DLG2: variants seen among roughly 807,000 people sequenced by gnomAD.
DLG2 encodes discs large MAGUK scaffold protein 2.
DLG2 carries 45 observed loss-of-function variants against 132.5 expected under a neutral mutation model. The observed-to-expected ratio is 0.34, with a 90% CI of 0.27 to 0.44. DLG2 has a LOEUF of 0.44. DLG2 is among the 20% of genes least tolerant of loss of function. DLG2 has a pLI of 1.00. For missense variants in DLG2, 1,045 were observed against 1,196.9 expected (o/e 0.87, Z 1.87); for synonymous variants, 424 against 419.6 (o/e 1.01, Z -0.13).
At chr11:84,963,410 G>T (rs1307538532) in intron 6 of DLG2, among the ~76,000 whole-genome samples, 1 of 152,088 alleles carries the variant, frequency 6.6e-6, no homozygotes. Flanking sequence ...ACAAATTCCT[G>T]AGAATAACCC....
At chr11:84,662,923 A>G (rs1019209401) in intron 6 of DLG2, among the ~76,000 whole-genome samples, 3 of 151,888 alleles carry the variant, frequency 2.0e-5, no homozygotes, top group Non-Finnish European at 2.9e-5. Context: ...AAATTGGGGC[A>G]TTTTCTGAGC....
chr11:84,661,179 GC>G (rs1240700362), intron 6 of DLG2, among the ~76,000 whole-genome samples: 1 of 152,162 alleles, frequency 6.6e-6, no homozygotes, highest in East Asian at 1.9e-4. Flanking sequence ...TTGTAATCAT[GC>G]CTTTGCAGGT....
chr11:83,946,588 G>A (rs536391345), intron 14 of DLG2, among the ~76,000 whole-genome samples: 1 of 151,646 alleles, frequency 6.6e-6, no homozygotes, highest in South Asian at 2.1e-4. Flanking sequence ...AACTCTTTCG[G>A]TACTATAGAA....
chr11:84,821,644 A>C (rs1428603548), intron 6 of DLG2, among the ~76,000 whole-genome samples: 3 of 124,650 alleles, frequency 2.4e-5, no homozygotes, highest in African/African-American at 3.0e-5. Context: ...AAAAAAAACA[A>C]CAACAACAAA....
intron 16 of DLG2, among the ~76,000 whole-genome samples, chr11:83,834,583 C>G (rs1022050776): frequency 1.3e-5 from 2 of 152,102 alleles, no homozygotes; most frequent in African/African-American, 2.4e-5. Flanking sequence ...TTTTGACACA[C>G]TCAGTTCCAG....
rs551599972 is a variant in DLG2, at chr11:85,366,210, G to C, written c.41-80845C>G. Reference sequence around the variant, plus strand: ...GTATGGAGAATATGAGAAACCTGTTGATTTATATGTCTTCATGTGAAATAA... The same window carrying C: ...GTATGGAGAATATGAGAAACCTGTTCATTTATATGTCTTCATGTGAAATAA... On this transcript the variant is annotated intron_variant, in intron 3 of 27. Transcript: ENST00000376104. 1.2e-3 allele frequency among the ~76,000 whole-genome samples: 185 copies of C among 152,228 alleles called. 1 individual carries two copies. Among genetic ancestry groups the C allele is most frequent in the Non-Finnish European group, 2.1e-3 (140 of 68,014 alleles).
At chr11:84,013,594 C>T (rs1434686462) in intron 11 of DLG2, among the ~76,000 whole-genome samples, 2 of 151,946 alleles carry the variant, frequency 1.3e-5, no homozygotes, top group African/African-American at 4.8e-5. Context: ...TCCAGCTGGG[C>T]GTGGTGGCTC....
chr11:84,557,236 G>C (rs2099413700), intron 6 of DLG2, among the ~76,000 whole-genome samples: 1 of 151,752 alleles, frequency 6.6e-6, no homozygotes. Flanking sequence ...ATTCTGGGTG[G>C]GCCTCATCTG....
At chr11:84,474,855 G>C (rs1456895227) in intron 7 of DLG2, among the ~76,000 whole-genome samples, 1 of 151,960 alleles carries the variant, frequency 6.6e-6, no homozygotes, top group Admixed American at 6.6e-5. Context: ...TAGAATCAAA[G>C]GGAGGTCATA....
At position 85,279,291 on chromosome 11, in the gene DLG2, A is replaced by G. The variant is rs967214996; in HGVS notation, c.186+5929T>C. ...TGTGTGCAAAGGTAGGTGGCAGCTT[A>G]AAGAAGCTACACAAAGATGAATATA... On this transcript the variant is annotated intron_variant, in intron 4 of 27. Transcript: ENST00000376104. Among the ~76,000 whole-genome samples the G allele has an allele frequency of 1.8e-4, 27 of 152,126 alleles. 1 individual carries two copies. Among genetic ancestry groups the G allele is most frequent in the African/African-American group, 2.4e-5 (1 of 41,438 alleles).
intron 9 of DLG2, among the ~76,000 whole-genome samples, chr11:84,120,867 T>C (rs1344285118): frequency 2.0e-5 from 3 of 152,220 alleles, no homozygotes; most frequent in African/African-American, 7.2e-5. Context: ...ATGTATTCTT[T>C]CGAATAACTA....
chr11:83,656,372 G>A (rs1018343257), intron 18 of DLG2, among the ~76,000 whole-genome samples: 4 of 152,136 alleles, frequency 2.6e-5, no homozygotes, highest in Non-Finnish European at 4.4e-5. Context: ...CCTCTCCAAG[G>A]TGGGTCCTGG....
At chr11:84,835,114 T>C (rs2079570663) in intron 6 of DLG2, among the ~76,000 whole-genome samples, 1 of 151,662 alleles carries the variant, frequency 6.6e-6, no homozygotes, top group Non-Finnish European at 1.5e-5. Flanking sequence ...ACACTGAAGA[T>C]ACCCTTGGTA....
chr11:85,056,815 T>G (rs918520644), intron 6 of DLG2, among the ~76,000 whole-genome samples: 1 of 152,028 alleles, frequency 6.6e-6, no homozygotes, highest in South Asian at 2.1e-4. Context: ...GCATTTTTAA[T>G]GTACTGACTG....
At chr11:85,071,493 C>T (rs628730) in intron 6 of DLG2, among the ~76,000 whole-genome samples, 58,233 of 151,558 alleles carry the variant, frequency 0.38, 11,422 homozygotes, top group South Asian at 0.57. Context: ...TATTTGAAAG[C>T]GACAATATGA....
chr11:85,618,060 T>C (rs2081457439), intron 2 of DLG2, among the ~76,000 whole-genome samples: 1 of 152,210 alleles, frequency 6.6e-6, no homozygotes, highest in African/African-American at 2.4e-5. Context: ...ATTCTTGAAA[T>C]AGCTTTGAAA....
intron 5 of DLG2, among the ~76,000 whole-genome samples, chr11:85,117,758 T>C (rs1374492190): frequency 4.9e-4 from 74 of 152,054 alleles, no homozygotes; most frequent in Non-Finnish European, 1.3e-4. Flanking sequence ...ATCTTTCATC[T>C]GGAATGTGTT....
chr11:84,645,531 G>A (rs1423400212), intron 6 of DLG2, among the ~76,000 whole-genome samples: 4 of 152,100 alleles, frequency 2.6e-5, no homozygotes, highest in Non-Finnish European at 5.9e-5. Context: ...GCAGTCGCAC[G>A]ATCTCGGCTC....
At chr11:85,216,409 A>G (rs1283625341) in intron 4 of DLG2, among the ~76,000 whole-genome samples, 3 of 152,192 alleles carry the variant, frequency 2.0e-5, no homozygotes, top group Non-Finnish European at 4.4e-5. Flanking sequence ...ATTTAATGTC[A>G]TTAATTTATC....
Sources: allele counts gnomAD v4.1 joint callset (sites outside exome capture counted in the v4.1 genomes callset), GRCh38; gene constraint gnomAD v4.1.1; transcripts MANE v1.5; gene names NCBI Gene and HGNC (gene_info 2026-07-23, HGNC 2026-07-21).